Variants in PTPRM observed in about 807,000 individuals in gnomAD.
The protein encoded by PTPRM is protein tyrosine phosphatase receptor type M, also known as receptor-type tyrosine-protein phosphatase mu.
Under a neutral mutation model 186.7 loss-of-function variants are expected in PTPRM, and 47 were observed. That is an observed-to-expected ratio of 0.25 (90% CI 0.20 to 0.32). The LOEUF (loss-of-function observed/expected upper bound fraction) is 0.32, where lower values mean the gene tolerates loss of function less well. PTPRM is among the 10% of genes least tolerant of loss of function. The pLI, the probability that PTPRM is intolerant of heterozygous loss-of-function variation, is 1.00. For synonymous variants in PTPRM, 668 were observed against 674.9 expected (o/e 0.99, Z 0.16); for missense variants, 1,494 against 1,865.0 (o/e 0.80, Z 3.66).
chr18:8,156,506 A>G (rs1025605269), intron 14 of PTPRM, among the ~76,000 whole-genome samples: 3 of 152,170 alleles, frequency 2.0e-5, no homozygotes, highest in African/African-American at 4.8e-5. Flanking sequence ...ATTAGATGGT[A>G]TATGTACATA....
At chr18:7,916,909 C>G (rs192414979) in intron 4 of PTPRM, among the ~76,000 whole-genome samples, 1 of 152,144 alleles carries the variant, frequency 6.6e-6, no homozygotes, top group Admixed American at 6.5e-5. Flanking sequence ...TTATATCTAA[C>G]TGTAATTTTG....
rs141147411 is a variant in PTPRM, at chr18:8,247,897, G to T, written c.2505G>T (p.Ser835=). ...FTMKTNTLST[S]VPNSYYPDPF... ...TGAAAACAAATACACTGAGCACATC[G>T]GTGCCTAATTCCTATTACCCAGGTA... The change falls in exon 16 of 33, where the codon TCG becomes TCT. Residue 835 remains serine, a synonymous_variant. Transcript: ENST00000580170. The T allele has an allele frequency of 1.2e-6, 2 of 1,601,764 alleles. No homozygotes were observed. The highest frequency in any genetic ancestry group is 1.7e-6 in the Non-Finnish European group (2 of 1,168,892).
chr18:7,966,595 G>T (rs1197923667), intron 7 of PTPRM, among the ~76,000 whole-genome samples: 1 of 140,042 alleles, frequency 7.1e-6, no homozygotes, highest in Non-Finnish European at 1.6e-5. Context: ...GTCAGTGGGT[G>T]CGCGCACCGT....
At chr18:7,891,275 G>A (rs1371666681) in intron 3 of PTPRM, among the ~76,000 whole-genome samples, 1 of 151,794 alleles carries the variant, frequency 6.6e-6, no homozygotes, top group Non-Finnish European at 1.5e-5. Context: ...GACAGAGTGA[G>A]ACCTTGCCTC....
At chr18:8,288,358 G>A (rs2094981323) in intron 19 of PTPRM, among the ~76,000 whole-genome samples, 1 of 152,188 alleles carries the variant, frequency 6.6e-6, no homozygotes, top group Admixed American at 6.5e-5. Context: ...TTCCAGATAA[G>A]GGGGAGCCCC....
At chr18:7,655,182 T>C (rs1257671300) in intron 1 of PTPRM, among the ~76,000 whole-genome samples, 1 of 152,156 alleles carries the variant, frequency 6.6e-6, no homozygotes, top group East Asian at 1.9e-4. Flanking sequence ...GTTAGCTGTA[T>C]TCCTAGTTTT....
At chr18:7,753,714 G>C (rs1205966746) in intron 1 of PTPRM, among the ~76,000 whole-genome samples, 1 of 152,118 alleles carries the variant, frequency 6.6e-6, no homozygotes, top group Non-Finnish European at 1.5e-5. Flanking sequence ...CCTTTAAAAA[G>C]TTTTAAATGC....
At chr18:8,373,132 A>G (rs997410978) in intron 24 of PTPRM, among the ~76,000 whole-genome samples, 1 of 152,226 alleles carries the variant, frequency 6.6e-6, no homozygotes, top group Non-Finnish European at 1.5e-5. Context: ...TAACCGGGCA[A>G]TTGGAATCTT....
chr18:7,613,404 G>C (rs975225364), intron 1 of PTPRM, among the ~76,000 whole-genome samples: 6 of 152,194 alleles, frequency 3.9e-5, no homozygotes, highest in African/African-American at 1.2e-4. Flanking sequence ...GCCAGGCGCG[G>C]TGGCTCACGC....
chr18:7,647,550 C>G (rs1354143532), intron 1 of PTPRM, among the ~76,000 whole-genome samples: 1 of 152,166 alleles, frequency 6.6e-6, no homozygotes, highest in Non-Finnish European at 1.5e-5. Flanking sequence ...TTTGGTTCTA[C>G]TTTAATTGTA....
chr18:7,932,609 A>G (rs1218214718), intron 5 of PTPRM, among the ~76,000 whole-genome samples: 2 of 152,004 alleles, frequency 1.3e-5, no homozygotes, highest in Admixed American at 1.3e-4. Context: ...ATTTTTCTTC[A>G]CTGAGTGATC....
intron 1 of PTPRM, among the ~76,000 whole-genome samples, chr18:7,613,275 T>TCAGCTAC (rs2037721866): frequency 6.6e-6 from 1 of 152,206 alleles, no homozygotes. Flanking sequence ...TTCTCTTCTC[T>TCAGCTAC]CAGCTACTCC....
At chr18:7,616,140 A>G (rs2037797569) in intron 1 of PTPRM, among the ~76,000 whole-genome samples, 2 of 152,168 alleles carry the variant, frequency 1.3e-5, no homozygotes, top group South Asian at 4.1e-4. Flanking sequence ...ACATCAGGAA[A>G]GTCCAGCTGG....
At chr18:8,387,507 A>G (rs979746514) in intron 31 of PTPRM, among the ~76,000 whole-genome samples, 1 of 149,286 alleles carries the variant, frequency 6.7e-6, no homozygotes, top group African/African-American at 2.6e-5. Context: ...CCAAGAGGAA[A>G]AAAAAAAAAA....
chr18:7,934,194 G>C (rs34017251), intron 5 of PTPRM, among the ~76,000 whole-genome samples: 21,736 of 152,002 alleles, frequency 0.14, 1,814 homozygotes, highest in Non-Finnish European at 0.19. Flanking sequence ...TTAAACCTAC[G>C]CCATCCACCT....
chr18:8,264,502 G>A (rs2094675056), intron 19 of PTPRM, among the ~76,000 whole-genome samples: 1 of 152,050 alleles, frequency 6.6e-6, no homozygotes, highest in South Asian at 2.1e-4. Context: ...CGGGCGTGGT[G>A]GCTCACTCCT....
intron 15 of PTPRM, among the ~76,000 whole-genome samples, chr18:8,245,239 C>T (rs778185852): frequency 9.9e-5 from 15 of 152,230 alleles, no homozygotes; most frequent in Non-Finnish European, 1.6e-4. Flanking sequence ...TTGCGTTTCT[C>T]GTACACGCGG....
chr18:7,798,507 C>T (rs555897248), intron 2 of PTPRM, among the ~76,000 whole-genome samples: 52 of 149,624 alleles, frequency 3.5e-4, no homozygotes, highest in African/African-American at 1.2e-3. Context: ...CTAGCCTGGG[C>T]GACAGGGCAA....
intron 6 of PTPRM, among the ~76,000 whole-genome samples, chr18:7,954,057 G>C (rs1397254639): frequency 6.6e-6 from 1 of 152,154 alleles, no homozygotes; most frequent in African/African-American, 2.4e-5. Flanking sequence ...TTTGTACAAT[G>C]ATCTCATTTA....
Sources: gnomAD v4.1 joint callset for allele counts (sites outside exome capture counted in the v4.1 genomes callset) on GRCh38, gnomAD v4.1.1 for gene constraint, MANE v1.5 for transcripts, NCBI Gene and HGNC (gene_info 2026-07-23, HGNC 2026-07-21) for gene names.